RYR3: variants seen among roughly 807,000 people sequenced by gnomAD.
RYR3 encodes the protein ryanodine receptor 3.
RYR3 carries 207 observed loss-of-function variants against 584.3 expected under a neutral mutation model. That is an observed-to-expected ratio of 0.35 (90% CI 0.32 to 0.40). The LOEUF is 0.40. Among genes scored for constraint, RYR3 ranks in the 10% least tolerant of loss-of-function variants. RYR3 has a pLI of 1.00. For synonymous variants in RYR3, 2,416 were observed against 2,248.5 expected, an observed-to-expected ratio of 1.07 and a Z score of -2.11; for missense variants, 5,616 against 6,089.2, an observed-to-expected ratio of 0.92 and a Z score of 2.59.
At chr15:33,797,296 C>T (rs968113009) in intron 67 of RYR3, among the ~76,000 whole-genome samples, 4 of 152,098 alleles carry the variant, frequency 2.6e-5, no homozygotes, top group African/African-American at 9.7e-5. Flanking sequence ...AAGAGACCCA[C>T]AGATCAGCTA....
At chr15:33,583,950 G>T (rs1037544266) in intron 14 of RYR3, among the ~76,000 whole-genome samples, 1 of 152,166 alleles carries the variant, frequency 6.6e-6, no homozygotes, top group African/African-American at 2.4e-5. Context: ...TACTTGGGAG[G>T]CTGAGGCAGG....
chr15:33,315,320 A>G (rs1036435291), intron 1 of RYR3, among the ~76,000 whole-genome samples: 4 of 152,286 alleles, frequency 2.6e-5, no homozygotes, highest in South Asian at 2.1e-4. Context: ...GCCCATTTAC[A>G]TAACAGCTGC....
chr15:33,750,723 T>C (rs891014915), intron 57 of RYR3, among the ~76,000 whole-genome samples: 2 of 151,684 alleles, frequency 1.3e-5, no homozygotes, highest in African/African-American at 4.9e-5. Flanking sequence ...TGCAGTACCC[T>C]AGATATTTTT....
rs1326656704 is a variant in RYR3, at chr15:33,510,742, CAAACT to C, written c.279+7008_279+7012del. Among the ~76,000 whole-genome samples the C allele has an allele frequency of 5.9e-5, 9 of 152,156 alleles. No individual in the cohort carries two copies. The East Asian group carries it at 1.7e-3, about 29-fold the overall frequency. Reference sequence around the variant, plus strand: ...AATATTATTATAAATGAGAGGCCTCCAAACTAAAGTTTCAATGTGTTTTTTTCCAC... The same window carrying C: ...AATATTATTATAAATGAGAGGCCTCCAAAGTTTCAATGTGTTTTTTTCCAC... On this transcript the variant is annotated intron_variant, in intron 3 of 103. Coordinates refer to ENST00000634891, the MANE Select transcript of RYR3 (RefSeq NM_001036.6).
chr15:33,566,881 T>G, intron 12 of RYR3, 82 bp downstream of exon 12: 1 of 1,445,898 alleles, frequency 6.9e-7, no homozygotes, highest in Non-Finnish European at 9.7e-7. Flanking sequence ...CTTTTGATAC[T>G]GTGAATGTTT....
intron 69 of RYR3, among the ~76,000 whole-genome samples, chr15:33,803,813 C>A (rs745336459): frequency 6.6e-5 from 10 of 152,226 alleles, no homozygotes; most frequent in Non-Finnish European, 1.0e-4. Flanking sequence ...CAGCTCCCGG[C>A]CTTATCTTCA....
At chr15:33,638,465 T>G (rs574179395) in intron 27 of RYR3, among the ~76,000 whole-genome samples, 11 of 152,348 alleles carry the variant, frequency 7.2e-5, no homozygotes, top group African/African-American at 2.2e-4. Flanking sequence ...AGGTTACTTG[T>G]CTGTTGAACT....
At chr15:33,461,199 C>T (rs1226797491) in intron 1 of RYR3, among the ~76,000 whole-genome samples, 1 of 152,058 alleles carries the variant, frequency 6.6e-6, no homozygotes, top group Non-Finnish European at 1.5e-5. Context: ...CCGCCTCGGC[C>T]TCCCAAAGTG....
intron 88 of RYR3, 135 bp from the exon 89 acceptor site, chr15:33,837,496 C>T: frequency 1.1e-6 from 1 of 932,310 alleles, no homozygotes. Flanking sequence ...CTTGCTGCTC[C>T]CTCCTACATC....
At chr15:33,761,807 A>C (rs897091234) in intron 60 of RYR3, among the ~76,000 whole-genome samples, 2 of 152,160 alleles carry the variant, frequency 1.3e-5, no homozygotes, top group African/African-American at 4.8e-5. Context: ...TACACACACA[A>C]AAGAAAATTT....
chr15:33,767,305 A>G (rs2073159619), intron 60 of RYR3, among the ~76,000 whole-genome samples: 1 of 140,734 alleles, frequency 7.1e-6, no homozygotes, highest in Non-Finnish European at 1.5e-5. Flanking sequence ...GTTTGCATCA[A>G]CTACCCGTCT....
At chr15:33,457,606 T>G (rs1218388659) in intron 1 of RYR3, among the ~76,000 whole-genome samples, 1 of 152,128 alleles carries the variant, frequency 6.6e-6, no homozygotes, top group Non-Finnish European at 1.5e-5. Context: ...GATAAGAGAT[T>G]GATCAATGGG....
intron 16 of RYR3, among the ~76,000 whole-genome samples, chr15:33,595,892 A>AT (rs1427647003): frequency 3.3e-5 from 5 of 151,910 alleles, no homozygotes; most frequent in Admixed American, 6.6e-5. Flanking sequence ...GATTGTGTGA[A>AT]TTTTTTTTAA....
intron 67 of RYR3, among the ~76,000 whole-genome samples, chr15:33,791,037 G>C (rs1204086712): frequency 6.6e-6 from 1 of 152,170 alleles, no homozygotes; most frequent in Non-Finnish European, 1.5e-5. Flanking sequence ...AAGTATTGAA[G>C]ATAAAAAGCC....
intron 1 of RYR3, among the ~76,000 whole-genome samples, chr15:33,353,480 G>T (rs528485985): frequency 1.3e-5 from 2 of 152,134 alleles, no homozygotes; most frequent in African/African-American, 4.8e-5. Context: ...TATTTGGGAG[G>T]TAAAGCTAAC....
chr15:33,699,857 C>T (rs774036324), intron 41 of RYR3, 24 bp downstream of exon 41: 1 of 1,602,584 alleles, frequency 6.2e-7, no homozygotes, highest in Admixed American at 1.7e-5. Context: ...CTTGTAACTT[C>T]CACATCCAAA....
chr15:33,586,986 G>A (rs2058883194), intron 16 of RYR3, among the ~76,000 whole-genome samples: 1 of 152,000 alleles, frequency 6.6e-6, no homozygotes, highest in Admixed American at 6.6e-5. Context: ...GGGAGAAGCA[G>A]GCTTCGTCAC....
chr15:33,583,207 G>A (rs557084023), intron 14 of RYR3, among the ~76,000 whole-genome samples: 1 of 152,274 alleles, frequency 6.6e-6, no homozygotes, highest in Non-Finnish European at 1.5e-5. Flanking sequence ...AGGTGATGCT[G>A]ATCCAGGGAC....
chr15:33,579,993 C>G lies in RYR3; in HGVS notation c.1286C>G (p.Ala429Gly), dbSNP rs766930222. ...GTTTTTAGCGGAAACAATCGCACAG[C>G]TGCCCCCATCACCCTGCCTATAGAA... ...SQFVSGNNRT[A>G]APITLPIEEV... The change falls in exon 13 of 104, where the codon GCT (alanine) becomes GGT (glycine). Residue 429 changes from alanine to glycine, a missense_variant. Physicochemically the swap from Ala to Gly is moderately conservative, Grantham distance 60. Coordinates refer to ENST00000634891, the MANE Select transcript of RYR3 (RefSeq NM_001036.6). 3 of 1,611,210 alleles carry G rather than the reference C, an allele frequency of 1.9e-6. No individual in the cohort carries two copies. The highest frequency in any genetic ancestry group is 2.7e-5 in the African/African-American group (2 of 74,776).
Sources: allele counts gnomAD v4.1 joint callset (sites outside exome capture counted in the v4.1 genomes callset), GRCh38; gene constraint gnomAD v4.1.1; transcripts MANE v1.5; gene names NCBI Gene and HGNC (gene_info 2026-07-23, HGNC 2026-07-21).